The following RIMKLB variants were observed in gnomAD, a reference collection of about 807,000 sequenced individuals.
RIMKLB encodes beta-citrylglutamate synthase B.
RIMKLB carries 7 observed loss-of-function variants against 32.0 expected under a neutral mutation model. The observed-to-expected ratio is 0.22, with a 90% CI of 0.12 to 0.41. The LOEUF is 0.41. Among genes scored for constraint, RIMKLB ranks in the 10% least tolerant of loss-of-function variants. The pLI is 1.00. For synonymous variants in RIMKLB, 172 were observed against 185.1 expected (o/e 0.93, Z 0.57); for missense variants, 289 against 498.7 (o/e 0.58, Z 4.00).
At chr12:8,689,348 C>T (rs780268142) in intron 1 of RIMKLB, among the ~76,000 whole-genome samples, 6 of 152,320 alleles carry the variant, frequency 3.9e-5, no homozygotes, top group African/African-American at 1.2e-4. Flanking sequence ...GAGACGTCCT[C>T]GTTGGGAGCA....
intron 5 of RIMKLB, among the ~76,000 whole-genome samples, chr12:8,772,402 AGATG>A (rs1950485242): frequency 6.6e-6 from 1 of 152,222 alleles, no homozygotes; most frequent in African/African-American, 2.4e-5. Flanking sequence ...TCAAAGTCAT[AGATG>A]GATTATTATT....
intron 2 of RIMKLB, among the ~76,000 whole-genome samples, chr12:8,721,364 A>G (rs1343506620): frequency 6.6e-6 from 1 of 152,234 alleles, no homozygotes; most frequent in African/African-American, 2.4e-5. Context: ...ATTTCTTTCA[A>G]AATTGGAGTC....
At chr12:8,749,213 A>G (rs912684695) in intron 2 of RIMKLB, among the ~76,000 whole-genome samples, 8 of 149,978 alleles carry the variant, frequency 5.3e-5, no homozygotes, top group Non-Finnish European at 8.9e-5. Flanking sequence ...TTGTTAAACC[A>G]CTTAGATTTT....
chr12:8,698,220 G>T lies in RIMKLB; in HGVS notation c.-134G>T, dbSNP rs116782838. 11,020 of 361,266 alleles carry T rather than the reference G, an allele frequency of 0.031. 190 individuals are homozygous for T. Among genetic ancestry groups the T allele is most frequent in the Non-Finnish European group, 0.038 (6,775 of 177,034 alleles). 22.4% of individuals were successfully genotyped at this position (361,266 alleles called of 1,614,324 possible). On this transcript the variant is annotated 5_prime_UTR_variant, in exon 1 of 6. Transcript: ENST00000535829. ...TCCTCTCCTTCCCCCACTTCCAGCC[G>T]CCCGGCGGCCCGCGCTTCCTCGAAG...
rs1944577388 is a variant in RIMKLB at position 8,713,877 on chromosome 12, C to T, written c.11C>T (p.Ser4Phe). 6.2e-7 allele frequency: 1 copy of T among 1,613,890 alleles called. No homozygotes were observed. The highest frequency in any genetic ancestry group is 1.1e-5 in the South Asian group (1 of 91,088). ...CACAAGCTGATCAAGATGTGTAGTT[C>T]TGTGGCTGCCAAGTTGTGGTTTTTG... Reference protein sequence around the residue: MCSSVAAKLWFLTD... With the variant: MCSFVAAKLWFLTD... The change falls in exon 2 of 6, where the codon TCT (serine) becomes TTT (phenylalanine). Residue 4 changes from serine to phenylalanine, a missense_variant. This residue lies in a region of RIMKLB where 34 missense variants were observed against 35.3 expected (regional missense o/e 0.96). Coordinates refer to ENST00000535829, the MANE Select transcript of RIMKLB (RefSeq NM_001297776.2).
the RIMKLB span, among the ~76,000 whole-genome samples, chr12:8,673,064 T>TAGAG: frequency 2.0e-4 from 31 of 152,266 alleles, no homozygotes; most frequent in African/African-American, 7.5e-4. Flanking sequence ...GTATTTTTAG[T>TAGAG]AGAGACAGGG....
At chr12:8,751,769 A>G (rs920289024) in intron 3 of RIMKLB, among the ~76,000 whole-genome samples, 188 bp from the exon 4 acceptor site, 13 of 152,214 alleles carry the variant, frequency 8.5e-5, no homozygotes, top group Non-Finnish European at 1.9e-4. Context: ...TAAGGGAGCT[A>G]TTATTTGTTT....
chr12:8,777,109 T>G lies in RIMKLB; in HGVS notation c.*3325T>G. On this transcript the variant is annotated 3_prime_UTR_variant, in exon 6 of 6. Coordinates refer to ENST00000535829, the MANE Select transcript of RIMKLB (RefSeq NM_001297776.2). ...ACTGCTGCTACTGTTTTTATTTGTT[T>G]GTTTGTTCAATTTTATTTAAGATTT... 1.0e-6 allele frequency: 1 copy of G among 985,936 alleles called. No individual in the cohort carries two copies. Among genetic ancestry groups the G allele is most frequent in the Non-Finnish European group, 1.2e-6 (1 of 830,018 alleles). The allele number at this position is 985,936 out of a possible 1,614,324, so 61.1% of individuals were successfully genotyped here.
At chr12:8,761,903 C>G (rs1039547006) in intron 5 of RIMKLB, among the ~76,000 whole-genome samples, 1 of 152,196 alleles carries the variant, frequency 6.6e-6, no homozygotes, top group Non-Finnish European at 1.5e-5. Context: ...CATGGGCTAG[C>G]AGGCCGGTCC....
At chr12:8,757,648 C>A (rs949993237) in intron 5 of RIMKLB, among the ~76,000 whole-genome samples, 4 of 152,160 alleles carry the variant, frequency 2.6e-5, no homozygotes, top group African/African-American at 9.6e-5. Context: ...TTTATCTTTC[C>A]TATAATGTAC....
At chr12:8,701,259 T>C (rs760392037) in intron 1 of RIMKLB, among the ~76,000 whole-genome samples, 1 of 152,170 alleles carries the variant, frequency 6.6e-6, no homozygotes, top group African/African-American at 2.4e-5. Flanking sequence ...GCTTGTCATA[T>C]GAGGGATTGT....
At chr12:8,700,222 G>A (rs955836319) in intron 1 of RIMKLB, 7 of 152,184 alleles carry the variant, frequency 4.6e-5, no homozygotes, top group African/African-American at 1.7e-4. Flanking sequence ...CACTAAAGTG[G>A]ACATTATTTG....
At chr12:8,722,950 G>A (rs969604459) in intron 2 of RIMKLB, among the ~76,000 whole-genome samples, 1 of 152,252 alleles carries the variant, frequency 6.6e-6, no homozygotes, top group African/African-American at 2.4e-5. Flanking sequence ...AGGGAATGTT[G>A]TGGCTGGTTG....
At chr12:8,719,602 C>T (rs1332980731) in intron 2 of RIMKLB, among the ~76,000 whole-genome samples, 28 of 152,106 alleles carry the variant, frequency 1.8e-4, no homozygotes, top group Admixed American at 1.8e-3. Context: ...CTCCTGACCT[C>T]CGGTGATCCG....
chr12:8,705,897 C>CT (rs1322347716), intron 1 of RIMKLB, among the ~76,000 whole-genome samples: 1 of 152,122 alleles, frequency 6.6e-6, no homozygotes, highest in African/African-American at 2.4e-5. Flanking sequence ...TCAGTTTTTA[C>CT]TTTTTAGCAA....
chr12:8,693,614 T>C (rs190143760), upstream of RIMKLB, among the ~76,000 whole-genome samples: 449 of 152,030 alleles, frequency 3.0e-3, 1 homozygote, highest in Non-Finnish European at 4.4e-3. Context: ...ACCAGGCTGG[T>C]CTTGAACTCC....
Position 8,708,650 on chromosome 12 carries a change from C to T in RIMKLB, c.-56-5161C>T, listed in dbSNP as rs553562951. ...TCCTCGGGTTGGTCTAATAAGGGAA[C>T]TAAAAGTTGGGAGAAACAAAGTGGT... On this transcript the variant is annotated intron_variant, in intron 1 of 5. Coordinates refer to ENST00000535829, the MANE Select transcript of RIMKLB (RefSeq NM_001297776.2). 3.5e-4 allele frequency among the ~76,000 whole-genome samples: 53 copies of T among 152,196 alleles called. No individual in the cohort carries two copies. The South Asian group carries it at 0.011, about 31-fold the overall frequency.
At chr12:8,728,218 C>T (rs1258445514) in intron 2 of RIMKLB, among the ~76,000 whole-genome samples, 3 of 152,314 alleles carry the variant, frequency 2.0e-5, no homozygotes, top group South Asian at 4.1e-4. Context: ...ACTCCTGCTA[C>T]ATCTGTCTCT....
At chr12:8,688,192 G>A (rs1169591761) in intron 1 of RIMKLB, among the ~76,000 whole-genome samples, 1 of 152,234 alleles carries the variant, frequency 6.6e-6, no homozygotes, top group East Asian at 1.9e-4. Flanking sequence ...AGAAACGGGA[G>A]TGGATTGTTG....
Sources: allele counts gnomAD v4.1 joint callset (sites outside exome capture counted in the v4.1 genomes callset), GRCh38; gene constraint gnomAD v4.1.1; regional missense constraint gnomAD v4.1.1; transcripts MANE v1.5; gene names NCBI Gene and HGNC (gene_info 2026-07-23, HGNC 2026-07-21).